Variants in ZNF385D observed in about 807,000 individuals in gnomAD.
The protein encoded by ZNF385D is zinc finger protein 385D.
Under a neutral mutation model 35.8 loss-of-function variants are expected in ZNF385D, and 15 were observed. The ratio of observed to expected loss-of-function variants is 0.42; its 90% CI spans 0.28 to 0.64. The LOEUF (loss-of-function observed/expected upper bound fraction) is 0.64. Among genes scored for constraint, ZNF385D ranks in the 30% least tolerant of loss-of-function variants. The pLI is 0.23. For synonymous variants in ZNF385D, 212 were observed against 186.8 expected (o/e 1.13, Z -1.10); for missense variants, 474 against 494.6 (o/e 0.96, Z 0.39).
intron 3 of ZNF385D, among the ~76,000 whole-genome samples, chr3:22,166,345 T>G (rs1288622696): frequency 2.0e-5 from 3 of 152,178 alleles, no homozygotes; most frequent in African/African-American, 7.2e-5. Context: ...TATTAAAATT[T>G]TAATTTTTAA....
chr3:21,441,024 A>T (rs1693211928), intron 4 of ZNF385D, among the ~76,000 whole-genome samples: 1 of 152,098 alleles, frequency 6.6e-6, no homozygotes, highest in Non-Finnish European at 1.5e-5. Context: ...TTTATTAAGG[A>T]ACTATTTTGT....
intron 3 of ZNF385D, among the ~76,000 whole-genome samples, chr3:21,947,733 C>G (rs1217256403): frequency 6.6e-6 from 1 of 151,954 alleles, no homozygotes; most frequent in Admixed American, 6.6e-5. Context: ...TATCTTTTTT[C>G]TATCATCTGT....
intron 3 of ZNF385D, among the ~76,000 whole-genome samples, chr3:22,081,817 C>T (rs1456270683): frequency 6.6e-6 from 1 of 152,084 alleles, no homozygotes; most frequent in African/African-American, 2.4e-5. Flanking sequence ...ACCTCTACTT[C>T]AGCAAAAACA....
chr3:22,030,467 G>A (rs1697927225), intron 3 of ZNF385D, among the ~76,000 whole-genome samples: 2 of 150,234 alleles, frequency 1.3e-5, no homozygotes, highest in South Asian at 4.2e-4. Flanking sequence ...GAGAGGGAGG[G>A]AGAGAGAGAG....
At chr3:22,123,950 CTCTCTCTCTCTCTATATA>C (rs1202271545) in intron 3 of ZNF385D, among the ~76,000 whole-genome samples, 154 of 103,178 alleles carry the variant, frequency 1.5e-3, no homozygotes, top group Middle Eastern at 0.01. Flanking sequence ...CTCTCTCTCT[CTCTCTCTCTCTCTATATA>C]TATATATATA....
intron 2 of ZNF385D, among the ~76,000 whole-genome samples, chr3:21,636,582 G>T (rs1478724390): frequency 6.6e-6 from 1 of 151,354 alleles, no homozygotes; most frequent in Non-Finnish European, 1.5e-5. Flanking sequence ...TAGCCTGGGA[G>T]GTTAAGCCAG....
chr3:22,298,125 A>G (rs541795307), intron 2 of ZNF385D, among the ~76,000 whole-genome samples: 12 of 152,110 alleles, frequency 7.9e-5, no homozygotes, highest in South Asian at 4.2e-4. Context: ...CTTTAAGAAA[A>G]AAGTCAAATG....
At chr3:22,105,076 T>A (rs1389552235) in intron 3 of ZNF385D, among the ~76,000 whole-genome samples, 2 of 152,144 alleles carry the variant, frequency 1.3e-5, no homozygotes, top group Non-Finnish European at 2.9e-5. Context: ...GTATTTTTTA[T>A]AAGGAGATTT....
At chr3:22,180,315 T>A (rs1359139656) in intron 2 of ZNF385D, among the ~76,000 whole-genome samples, 3 of 152,116 alleles carry the variant, frequency 2.0e-5, no homozygotes, top group Non-Finnish European at 4.4e-5. Flanking sequence ...ACCAAACATG[T>A]ACAGGACAAG....
intron 1 of ZNF385D, among the ~76,000 whole-genome samples, chr3:21,685,050 G>C (rs909875689): frequency 6.6e-6 from 1 of 152,128 alleles, no homozygotes; most frequent in Non-Finnish European, 1.5e-5. Flanking sequence ...ATTGGCAAAA[G>C]CATTTCTAAC....
At chr3:21,672,794 C>A (rs2066616083) in intron 1 of ZNF385D, among the ~76,000 whole-genome samples, 1 of 152,146 alleles carries the variant, frequency 6.6e-6, no homozygotes, top group Non-Finnish European at 1.5e-5. Context: ...AATCAAAACA[C>A]TGATAATTAT....
At chr3:21,996,801 C>G (rs748380535) in intron 3 of ZNF385D, among the ~76,000 whole-genome samples, 2 of 152,076 alleles carry the variant, frequency 1.3e-5, no homozygotes, top group Non-Finnish European at 2.9e-5. Flanking sequence ...TCTATTCCAT[C>G]AAAGGGTAAG....
chr3:22,016,366 T>G (rs1354442464), intron 3 of ZNF385D, among the ~76,000 whole-genome samples: 2 of 152,106 alleles, frequency 1.3e-5, no homozygotes, highest in East Asian at 3.9e-4. Flanking sequence ...TGCGAAACCT[T>G]GACCCAGATG....
chr3:21,767,064 C>T (rs138442648), intron 3 of ZNF385D, among the ~76,000 whole-genome samples: 41 of 146,436 alleles, frequency 2.8e-4, no homozygotes, highest in African/African-American at 9.7e-4. Context: ...CGTACAACCC[C>T]CCCACCCACC....
At chr3:22,258,837 T>C (rs1216541900) in intron 2 of ZNF385D, among the ~76,000 whole-genome samples, 1 of 151,812 alleles carries the variant, frequency 6.6e-6, no homozygotes, top group East Asian at 1.9e-4. Flanking sequence ...AAAAATAGCA[T>C]TGTTTTATAG....
chr3:22,271,918 T>C (rs1407963850), intron 2 of ZNF385D, among the ~76,000 whole-genome samples: 1 of 152,018 alleles, frequency 6.6e-6, no homozygotes, highest in Non-Finnish European at 1.5e-5. Flanking sequence ...GTAGAAACAA[T>C]ACTTTGAATA....
At chr3:21,609,824 C>A (rs574637830) in intron 2 of ZNF385D, among the ~76,000 whole-genome samples, 33 of 152,116 alleles carry the variant, frequency 2.2e-4, no homozygotes, top group African/African-American at 8.0e-4. Flanking sequence ...TCTAAAGCCA[C>A]GCAAAGATAA....
At chr3:21,887,615 C>T (rs765067240) in intron 3 of ZNF385D, among the ~76,000 whole-genome samples, 24 of 151,926 alleles carry the variant, frequency 1.6e-4, no homozygotes, top group Non-Finnish European at 3.2e-4. Flanking sequence ...GGAGAAAAAT[C>T]GTGTGATAGA....
intron 2 of ZNF385D, among the ~76,000 whole-genome samples, chr3:22,320,058 CTTTTT>C (rs79055027): frequency 7.0e-6 from 1 of 143,394 alleles, no homozygotes; most frequent in African/African-American, 2.5e-5. Context: ...CACATACAAA[CTTTTT>C]TTTTTTTTTA....
Sources: allele counts gnomAD v4.1 joint callset (sites outside exome capture counted in the v4.1 genomes callset), GRCh38; gene constraint gnomAD v4.1.1; transcripts MANE v1.5; gene names NCBI Gene and HGNC (gene_info 2026-07-23, HGNC 2026-07-21).